POLA2: variants seen among roughly 807,000 people sequenced by gnomAD.
POLA2 encodes the protein DNA polymerase alpha 2, accessory subunit, also known as DNA polymerase alpha subunit B.
In POLA2, 47 loss-of-function variants were observed where a neutral mutation model predicts 82.8. The observed-to-expected ratio is 0.57, with a 90% CI of 0.45 to 0.72. POLA2 has a LOEUF of 0.72. Ranked by LOEUF, POLA2 falls within the 30% of genes least tolerant of loss-of-function variation. POLA2 has a pLI of 0.00. For synonymous variants in POLA2, 287 were observed against 286.8 expected (o/e 1.00, Z -0.01); for missense variants, 634 against 728.1 (o/e 0.87, Z 1.49).
At chr11:65,262,399 A>C (rs770794084) in intron 1 of POLA2, 28 bp downstream of exon 1, 36 of 1,583,800 alleles carry the variant, frequency 2.3e-5, no homozygotes, top group Non-Finnish European at 2.8e-5. Flanking sequence ...CCCGCCCTGC[A>C]GCCGTGCTCC....
chr11:65,281,626 T>C lies in POLA2; in HGVS notation c.901-44T>C, dbSNP rs1311522582. ...TCAAAATAATGTATTCCAGACCTCATTGATCTCCACTGCTTAGCAATCCTG... is the reference window on the plus strand; with the variant it reads ...TCAAAATAATGTATTCCAGACCTCACTGATCTCCACTGCTTAGCAATCCTG... On this transcript the variant is annotated intron_variant, in intron 8 of 17. Transcript: ENST00000265465. 5 of 1,367,632 alleles carry C rather than the reference T, an allele frequency of 3.7e-6. No homozygotes were observed. In the African/African-American group the frequency reaches 5.7e-5, roughly 16 times the overall value. 84.7% of individuals were successfully genotyped at this position (1,367,632 alleles called of 1,614,324 possible).
intron 17 of POLA2, among the ~76,000 whole-genome samples, 158 bp from the exon 18 acceptor site, chr11:65,296,962 A>G (rs1404028381): frequency 1.3e-5 from 2 of 151,992 alleles, no homozygotes; most frequent in Non-Finnish European, 2.9e-5. Flanking sequence ...AAAAAAAAAA[A>G]AAAAAGTGAC....
downstream of POLA2, among the ~76,000 whole-genome samples, chr11:65,299,886 T>G (rs1435461671): frequency 6.6e-6 from 1 of 152,068 alleles, no homozygotes; most frequent in Non-Finnish European, 1.5e-5. Context: ...GAGACGGGGT[T>G]TCGCCATCTT....
intron 5 of POLA2, among the ~76,000 whole-genome samples, chr11:65,277,397 C>T (rs528610646): frequency 2.4e-4 from 36 of 151,986 alleles, no homozygotes; most frequent in Non-Finnish European, 5.1e-4. Flanking sequence ...AAGCTGGTCT[C>T]GAACTCCTGG....
chr11:65,267,348 C>T lies in POLA2; in HGVS notation c.205-129C>T, dbSNP rs1304233088. The T allele has an allele frequency of 5.1e-6, 3 of 590,840 alleles. No homozygotes were observed. In the African/African-American group the frequency reaches 5.7e-5, roughly 11 times the overall value. The allele number at this position is 590,840 out of a possible 1,614,324, so 36.6% of individuals were successfully genotyped here. A position where few individuals can be genotyped will look rare whatever the true frequency, so the allele number is the denominator to read the frequency against. On this transcript the variant is annotated intron_variant, in intron 2 of 17. Coordinates refer to ENST00000265465, the MANE Select transcript of POLA2 (RefSeq NM_002689.4). ...GTCTTTGTTTTTAGTCTGTGTGTAT[C>T]TTAATTCTTTGAGGAATGTTAGATC...
chr11:65,278,955 A>G (rs1050034674), intron 6 of POLA2, 32 bp downstream of exon 6: 1 of 1,582,548 alleles, frequency 6.3e-7, no homozygotes, highest in Non-Finnish European at 8.7e-7. Context: ...ATTCTGGTGG[A>G]TATAAAACCA....
intron 1 of POLA2, among the ~76,000 whole-genome samples, chr11:65,264,111 A>G (rs1465034592): frequency 1.3e-5 from 2 of 152,114 alleles, no homozygotes; most frequent in African/African-American, 4.8e-5. Flanking sequence ...CTCATTGCCC[A>G]GGCTGGAGTG....
Position 65,294,599 on chromosome 11 carries a change from C to T in POLA2, c.1407C>T (p.Phe469=), listed in dbSNP as rs774071113. 23 of 1,613,978 alleles carry T rather than the reference C, an allele frequency of 1.4e-5. No homozygotes were observed. The East Asian group carries it at 2.0e-4, about 14-fold the overall frequency. ...PCSLSINGVI[F]GLTSTDLLFH... ...GCCTCTCCATAAACGGAGTGATCTT[C>T]GGCTTGACATCCACAGATCTGCTTT... Residue 469 remains phenylalanine (F), a synonymous_variant, in exon 15 of 18, where the codon TTC becomes TTT. Coordinates refer to ENST00000265465, the MANE Select transcript of POLA2 (RefSeq NM_002689.4).
intron 2 of POLA2, 45 bp from the exon 3 acceptor site, chr11:65,267,432 T>A: frequency 8.5e-7 from 1 of 1,171,512 alleles, no homozygotes. Flanking sequence ...ACCTCTGCTA[T>A]TACTTGACTA....
chr11:65,281,792 C>A, intron 9 of POLA2, 60 bp downstream of exon 9: 1 of 1,333,540 alleles, frequency 7.5e-7, no homozygotes, highest in Non-Finnish European at 1.1e-6. Flanking sequence ...TGTCTGGAAG[C>A]TGTCTGTTCT....
chr11:65,283,582 G>A (rs193290708), intron 10 of POLA2, among the ~76,000 whole-genome samples: 1 of 152,020 alleles, frequency 6.6e-6, no homozygotes, highest in East Asian at 1.9e-4. Flanking sequence ...TGATTCTCCT[G>A]CCTCAGCCTC....
At position 65,295,164 on chromosome 11, in the gene POLA2, G is replaced by A. The variant is rs145086161; in HGVS notation, c.1461-376G>A. 1.7e-3 allele frequency among the ~76,000 whole-genome samples: 263 copies of A among 152,354 alleles called. 1 individual carries two copies. Among genetic ancestry groups the A allele is most frequent in the African/African-American group, 6.0e-3 (248 of 41,584 alleles). ...GGAAGGGGCATGTGAAGCGACTCGC[G>A]TGTGAAGCGAGACGGGTGCGGCTCC... is the stretch of plus-strand genomic sequence containing the variant. On this transcript the variant is annotated intron_variant, in intron 15 of 17. Transcript: ENST00000265465.
Position 65,304,905 on chromosome 11 carries a change from T to C in POLA2, c.657-468T>C, listed in dbSNP as rs115768887. ...TGGCAGTCAGAGTGGTGTTTTTGTC[T>C]ATCACCATGTGGTGTGGAGAATAGG... On this transcript the variant is annotated intron_variant, in intron 8 of 8. Coordinates refer to the POLA2 transcript ENST00000525924. Among the ~76,000 whole-genome samples, 966 of 152,198 alleles carry C rather than the reference T, an allele frequency of 6.3e-3. 10 individuals carry two copies. The highest frequency in any genetic ancestry group is 0.022 in the African/African-American group (901 of 41,506).
chr11:65,280,362 A>G (rs187711228), intron 7 of POLA2: 1 of 152,436 alleles, frequency 6.6e-6, no homozygotes, highest in East Asian at 1.9e-4. Flanking sequence ...TTTTAGCTCA[A>G]TTAATAAAGA....
At chr11:65,263,217 TC>T (rs1949418971) in intron 1 of POLA2, among the ~76,000 whole-genome samples, 8 of 144,608 alleles carry the variant, frequency 5.5e-5, no homozygotes, top group Admixed American at 1.4e-4. Context: ...CTTCTCTCTC[TC>T]TCTTTTTTTT....
Position 65,264,486 on chromosome 11 carries a change from G to T in POLA2, c.80-2096G>T, listed in dbSNP as rs956092347. Among the ~76,000 whole-genome samples, 5 of 152,256 alleles carry T rather than the reference G, an allele frequency of 3.3e-5. No individual in the cohort carries two copies. In the South Asian group the frequency reaches 1.0e-3, roughly 32 times the overall value. On this transcript the variant is annotated intron_variant, in intron 1 of 17. Coordinates refer to ENST00000265465, the MANE Select transcript of POLA2 (RefSeq NM_002689.4). ...TCCCAAAGTGCTGGGATTACACTGC[G>T]CCAGGCCCCTGGTCTCTTTACTCTG...
In POLA2 at chr11:65,281,746, C is replaced by T. The variant is rs1230009714; in HGVS notation, c.963+14C>T. ...AAACTCTACGAGGTACACAGCAGTA[C>T]CCCCACTTGCCTCTTGGTTTGCTTC... On this transcript the variant is annotated intron_variant, in intron 9 of 17. Coordinates refer to ENST00000265465, the MANE Select transcript of POLA2 (RefSeq NM_002689.4). 2 of 1,603,714 alleles carry T rather than the reference C, an allele frequency of 1.2e-6. No homozygotes were observed. Among genetic ancestry groups the T allele is most frequent in the South Asian group, 2.2e-5 (2 of 90,838 alleles).
intron 4 of POLA2, among the ~76,000 whole-genome samples, chr11:65,270,632 C>T (rs1411892804): frequency 6.6e-6 from 1 of 152,206 alleles, no homozygotes; most frequent in African/African-American, 2.4e-5. Flanking sequence ...TTTTCTCTCA[C>T]ACCCCACATC....
chr11:65,294,759 A>T (rs1379245608), intron 15 of POLA2, 107 bp downstream of exon 15: 8 of 722,050 alleles, frequency 1.1e-5, no homozygotes, highest in African/African-American at 1.8e-5. Context: ...GACCAGAGAG[A>T]GCTGAAAGCA....
Sources: gnomAD v4.1 joint callset for allele counts (sites outside exome capture counted in the v4.1 genomes callset) on GRCh38, gnomAD v4.1.1 for gene constraint, MANE v1.5 for transcripts, NCBI Gene and HGNC (gene_info 2026-07-23, HGNC 2026-07-21) for gene names.